Variants in ABCB11 observed in about 807,000 individuals in gnomAD.
ABCB11 encodes the protein ATP binding cassette subfamily B member 11, also known as bile salt export pump.
In ABCB11, 95 loss-of-function variants were observed where a neutral mutation model predicts 148.0. The ratio of observed to expected loss-of-function variants is 0.64; its 90% CI spans 0.54 to 0.76. ABCB11 has a LOEUF of 0.76. Among genes scored for constraint, ABCB11 ranks in the 30% least tolerant of loss-of-function variants. ABCB11 has a pLI of 0.00. For missense variants in ABCB11, 1,523 were observed against 1,617.8 expected (o/e 0.94, Z 1.01); for synonymous variants, 591 against 555.4 (o/e 1.06, Z -0.90).
intron 5 of ABCB11, among the ~76,000 whole-genome samples, chr2:169,005,546 C>T (rs895535790): frequency 2.6e-5 from 4 of 152,040 alleles, no homozygotes; most frequent in Non-Finnish European, 5.9e-5. Flanking sequence ...AATCTCATGC[C>T]CACCGTGCCC....
intron 9 of ABCB11, among the ~76,000 whole-genome samples, chr2:168,986,582 C>A (rs992581797): frequency 2.0e-5 from 3 of 152,026 alleles, no homozygotes; most frequent in African/African-American, 7.2e-5. Context: ...AATATATGAA[C>A]AAGAGAGATC....
intron 5 of ABCB11, among the ~76,000 whole-genome samples, chr2:169,006,905 C>T (rs545616151): frequency 2.8e-4 from 42 of 152,184 alleles, no homozygotes; most frequent in Middle Eastern, 3.4e-3. Flanking sequence ...TTAAAGCAGA[C>T]GCAAATAAGT....
chr2:169,025,868 G>A (rs562876048), intron 1 of ABCB11, among the ~76,000 whole-genome samples: 1 of 152,322 alleles, frequency 6.6e-6, no homozygotes, highest in Admixed American at 6.5e-5. Flanking sequence ...GTCAGGGGCT[G>A]TGGGGCATCT....
At chr2:168,956,790 T>C (rs559531872) in intron 19 of ABCB11, among the ~76,000 whole-genome samples, 1 of 151,724 alleles carries the variant, frequency 6.6e-6, no homozygotes, top group African/African-American at 2.4e-5. Context: ...CTCCGTGGAA[T>C]CTTTAGGCAG....
intron 25 of ABCB11, among the ~76,000 whole-genome samples, chr2:168,929,117 CAATT>C (rs1559177845): frequency 6.6e-6 from 1 of 152,046 alleles, no homozygotes; most frequent in Non-Finnish European, 1.5e-5. Flanking sequence ...AGGGATTAAA[CAATT>C]AATCAAGTAT....
chr2:168,936,093 G>T, intron 22 of ABCB11, 137 bp downstream of exon 22: 2 of 781,234 alleles, frequency 2.6e-6, no homozygotes, highest in Non-Finnish European at 4.0e-6. Context: ...GCATAGAAAG[G>T]GTGGTGGAAG....
chr2:168,944,545 G>C, intron 21 of ABCB11, 60 bp downstream of exon 21: 1 of 1,497,010 alleles, frequency 6.7e-7, no homozygotes, highest in Non-Finnish European at 9.0e-7. Context: ...TTGTCAGAAT[G>C]CTCTAATGAA....
At chr2:168,990,708 A>C (rs1465005793) in intron 9 of ABCB11, 93 bp downstream of exon 9, 1 of 1,513,712 alleles carries the variant, frequency 6.6e-7, no homozygotes, top group African/African-American at 1.4e-5. Flanking sequence ...GCCACAGACC[A>C]AGGTGGGTCT....
intron 21 of ABCB11, among the ~76,000 whole-genome samples, chr2:168,940,564 A>G (rs1303950246): frequency 6.6e-6 from 1 of 152,144 alleles, no homozygotes; most frequent in South Asian, 2.1e-4. Flanking sequence ...CCACAATGTA[A>G]AAGTGCAAGG....
intron 10 of ABCB11, among the ~76,000 whole-genome samples, chr2:168,981,092 C>T (rs1445302881): frequency 6.6e-6 from 1 of 152,168 alleles, no homozygotes; most frequent in African/African-American, 2.4e-5. Flanking sequence ...TTTCTATAGG[C>T]CAGACCCTTC....
At position 169,010,793 on chromosome 2, in the gene ABCB11, T is replaced by G. The variant is rs1695159071; in HGVS notation, c.389+2479A>C. Among the ~76,000 whole-genome samples, 3 of 151,634 alleles carry G rather than the reference T, an allele frequency of 2.0e-5. No individual in the cohort carries two copies. In the South Asian group the frequency reaches 6.2e-4, roughly 32 times the overall value. ...GAACAAATAGTATTCATGTCAATGA[T>G]CACAATAACTCACGATGACAGTATT... On this transcript the variant is annotated intron_variant, in intron 5 of 27. Transcript: ENST00000650372.
At chr2:169,028,150 G>A (rs1218002267) in intron 1 of ABCB11, among the ~76,000 whole-genome samples, 1 of 151,912 alleles carries the variant, frequency 6.6e-6, no homozygotes, top group Non-Finnish European at 1.5e-5. Flanking sequence ...CCTGTACTGT[G>A]AGATCAGTTC....
chr2:169,023,409 G>A (rs2106069650), intron 1 of ABCB11, among the ~76,000 whole-genome samples: 1 of 152,308 alleles, frequency 6.6e-6, no homozygotes, highest in South Asian at 2.1e-4. Context: ...AAGAGCACAA[G>A]TTAGTAAGTG....
At chr2:168,973,659 C>T in intron 13 of ABCB11, 56 bp downstream of exon 13, 4 of 1,590,732 alleles carry the variant, frequency 2.5e-6, no homozygotes, top group Non-Finnish European at 3.4e-6. Context: ...GATCAATATA[C>T]TGCCATTTGC....
chr2:168,999,052 C>G (rs1694799236), intron 5 of ABCB11, among the ~76,000 whole-genome samples: 1 of 151,972 alleles, frequency 6.6e-6, no homozygotes, highest in African/African-American at 2.4e-5. Context: ...AGGAAGGATT[C>G]TATAAAGTGT....
chr2:169,010,167 C>T (rs1695139082), intron 5 of ABCB11, among the ~76,000 whole-genome samples: 1 of 152,174 alleles, frequency 6.6e-6, no homozygotes, highest in Non-Finnish European at 1.5e-5. Context: ...GCAGAAATTA[C>T]AGTATGTCTC....
rs1358129856 is a variant in ABCB11, at chr2:168,920,799, A to C, written c.*2823T>G. Among the ~76,000 whole-genome samples the C allele has an allele frequency of 1.3e-5, 2 of 152,176 alleles. No individual in the cohort carries two copies. Among genetic ancestry groups the C allele is most frequent in the East Asian group, 1.9e-4 (1 of 5,194 alleles). ...CCTGGTGTTGTAAAATAAACATGCA[A>C]TGTTATTTATTTATTCATTTTTGAA... On this transcript the variant is annotated 3_prime_UTR_variant, in exon 28 of 28. Coordinates refer to ENST00000650372, the MANE Select transcript of ABCB11 (RefSeq NM_003742.4).
chr2:169,009,781 GC>G, intron 5 of ABCB11, among the ~76,000 whole-genome samples: 1 of 151,442 alleles, frequency 6.6e-6, no homozygotes, highest in East Asian at 2.1e-4. Context: ...GGCAGTGAAT[GC>G]ACAACTCTGT....
At chr2:168,956,422 T>G (rs1692794992) in intron 19 of ABCB11, among the ~76,000 whole-genome samples, 1 of 151,716 alleles carries the variant, frequency 6.6e-6, no homozygotes, top group African/African-American at 2.4e-5. Flanking sequence ...TCCATTGATA[T>G]CTGTATATCT....
Sources: gnomAD v4.1 joint callset for allele counts (sites outside exome capture counted in the v4.1 genomes callset) on GRCh38, gnomAD v4.1.1 for gene constraint, MANE v1.5 for transcripts, NCBI Gene and HGNC (gene_info 2026-07-23, HGNC 2026-07-21) for gene names.